Variants in RBFOX1 observed in about 807,000 individuals in gnomAD.
RBFOX1 encodes the protein RNA binding fox-1 homolog 1, also known as RNA binding protein fox-1 homolog 1.
Under a neutral mutation model 57.7 loss-of-function variants are expected in RBFOX1, and 8 were observed. The observed-to-expected ratio is 0.14, with a 90% CI of 0.08 to 0.25. RBFOX1 has a LOEUF of 0.25. Ranked by LOEUF, RBFOX1 falls within the 10% of genes least tolerant of loss-of-function variation. The pLI is 1.00. For synonymous variants in RBFOX1, 326 were observed against 222.4 expected (o/e 1.47, Z -4.15); for missense variants, 611 against 548.5 (o/e 1.11, Z -1.14).
In RBFOX1 at chr16:6,049,053, C is replaced by CTT. The variant is rs534794320; in HGVS notation, c.-127+29081_-127+29082dup. Among the ~76,000 whole-genome samples, 189 of 112,826 alleles carry CTT rather than the reference C, an allele frequency of 1.7e-3. 1 individual carries two copies. Among genetic ancestry groups the CTT allele is most frequent in the South Asian group, 5.2e-3 (17 of 3,264 alleles). The allele number at this position is 112,826 out of a possible 152,430, so 74.0% of individuals were successfully genotyped here. A position where few individuals can be genotyped will look rare whatever the true frequency, so the allele number is the denominator to read the frequency against. ...ATCGACCCCTTACATCTTCTAACAGCTTTTTTTTTTTTTTTTTTTTTCCTT... is the reference window on the plus strand; with the variant it reads ...ATCGACCCCTTACATCTTCTAACAGCTTTTTTTTTTTTTTTTTTTTTTTCCTT... On this transcript the variant is annotated intron_variant, in intron 1 of 15. Transcript: ENST00000550418.
At chr16:6,640,968 G>C (rs1047074887) in intron 2 of RBFOX1, among the ~76,000 whole-genome samples, 1 of 152,082 alleles carries the variant, frequency 6.6e-6, no homozygotes, top group African/African-American at 2.4e-5. Flanking sequence ...TCAAATGGAA[G>C]GCCTGCTTTC....
intron 4 of RBFOX1, among the ~76,000 whole-genome samples, chr16:7,398,193 C>T (rs138342701): frequency 1.1e-4 from 16 of 152,314 alleles, no homozygotes; most frequent in Middle Eastern, 3.4e-3. Flanking sequence ...ATGCCTCAGA[C>T]GCTTATGCTT....
At chr16:6,247,305 C>G (rs2097574715) in intron 1 of RBFOX1, among the ~76,000 whole-genome samples, 1 of 152,146 alleles carries the variant, frequency 6.6e-6, no homozygotes, top group South Asian at 2.1e-4. Flanking sequence ...GGACAGTGGA[C>G]AAAGCCTTGG....
chr16:6,215,470 G>A (rs150857680), intron 1 of RBFOX1, among the ~76,000 whole-genome samples: 115 of 146,418 alleles, frequency 7.9e-4, no homozygotes, highest in African/African-American at 2.7e-3. Context: ...GGGAGAGGGG[G>A]AGAGGGAGAG....
chr16:6,583,114 A>G (rs1219015368), intron 2 of RBFOX1, among the ~76,000 whole-genome samples: 1 of 152,116 alleles, frequency 6.6e-6, no homozygotes, highest in Non-Finnish European at 1.5e-5. Context: ...GGATAGTATC[A>G]GAGCCAGCAT....
chr16:7,296,846 G>A (rs956421970), intron 4 of RBFOX1, among the ~76,000 whole-genome samples: 1 of 152,128 alleles, frequency 6.6e-6, no homozygotes, highest in African/African-American at 2.4e-5. Context: ...CTACTTGGAG[G>A]AATACAGGAG....
At chr16:6,868,554 C>T (rs1482330453) in intron 3 of RBFOX1, among the ~76,000 whole-genome samples, 1 of 152,094 alleles carries the variant, frequency 6.6e-6, no homozygotes, top group Non-Finnish European at 1.5e-5. Context: ...TCACTGCAAC[C>T]TCTGCTTCCT....
intron 3 of RBFOX1, among the ~76,000 whole-genome samples, chr16:5,854,837 C>G (rs1252620187): frequency 6.6e-6 from 1 of 152,118 alleles, no homozygotes; most frequent in Non-Finnish European, 1.5e-5. Context: ...ATTTACATTC[C>G]CACCCACAAT....
In RBFOX1 at chr16:6,019,741, G is replaced by T. The variant is rs955149213; in HGVS notation, c.-378G>T. ...GCGGACCGCGCGCCCGGGATTGAGAGTCCTTGCGCTCCAGACCCCCACCCA... is the reference window on the plus strand; with the variant it reads ...GCGGACCGCGCGCCCGGGATTGAGATTCCTTGCGCTCCAGACCCCCACCCA... On this transcript the variant is annotated 5_prime_UTR_variant, in exon 1 of 16. Coordinates refer to ENST00000550418, the MANE Select transcript of RBFOX1 (RefSeq NM_018723.4). The surrounding 1 kb of genome is among the most constrained non-coding windows in gnomAD (Gnocchi z 4.2). 9 of 1,378,590 alleles carry T rather than the reference G, an allele frequency of 6.5e-6. No homozygotes were observed. The highest frequency in any genetic ancestry group is 8.4e-6 in the Non-Finnish European group (9 of 1,065,698). The allele number at this position is 1,378,590 out of a possible 1,614,324, so 85.4% of individuals were successfully genotyped here. A position where few individuals can be genotyped will look rare whatever the true frequency, so the allele number is the denominator to read the frequency against.
chr16:6,928,217 C>T (rs891386428), intron 3 of RBFOX1, among the ~76,000 whole-genome samples: 7 of 152,104 alleles, frequency 4.6e-5, no homozygotes, highest in Non-Finnish European at 1.0e-4. Flanking sequence ...TGGGTACTGC[C>T]CCCGAAGATT....
chr16:5,674,779 A>G (rs921204442), intron 3 of RBFOX1, among the ~76,000 whole-genome samples: 2 of 152,130 alleles, frequency 1.3e-5, no homozygotes, highest in Non-Finnish European at 2.9e-5. Context: ...TTCCTTCCCT[A>G]TGGTGAAAAT....
chr16:5,575,942 C>G (rs1259735739), intron 2 of RBFOX1, among the ~76,000 whole-genome samples: 1 of 151,500 alleles, frequency 6.6e-6, no homozygotes, highest in African/African-American at 2.4e-5. Flanking sequence ...ACATCTGCTT[C>G]TTTGGCTGGG....
At position 6,517,421 on chromosome 16, in the gene RBFOX1, C is replaced by T. The variant is rs188097694; in HGVS notation, c.-63-137182C>T. ...GACAGTTTATTACTCCCTGAAGTCT[C>T]TCTTTCTCCTTCTCTGCTGGACAGA... On this transcript the variant is annotated intron_variant, in intron 2 of 15. Coordinates refer to ENST00000550418, the MANE Select transcript of RBFOX1 (RefSeq NM_018723.4). 5.0e-3 allele frequency among the ~76,000 whole-genome samples: 756 copies of T among 152,270 alleles called. 24 individuals carry two copies. Among genetic ancestry groups the T allele is most frequent in the Admixed American group, 0.047 (723 of 15,284 alleles).
chr16:5,593,195 C>T (rs1407266361), intron 2 of RBFOX1, among the ~76,000 whole-genome samples: 9 of 152,142 alleles, frequency 5.9e-5, no homozygotes, highest in Admixed American at 4.6e-4. Context: ...TTTGCAGGGA[C>T]ATAGATGAAG....
At chr16:5,892,200 C>T (rs1047554035) in intron 4 of RBFOX1, among the ~76,000 whole-genome samples, 1 of 152,094 alleles carries the variant, frequency 6.6e-6, no homozygotes, top group Non-Finnish European at 1.5e-5. Flanking sequence ...GCTGGCAGTG[C>T]TAGGTACACA....
intron 1 of RBFOX1, among the ~76,000 whole-genome samples, chr16:6,173,234 A>G (rs1431164776): frequency 6.6e-6 from 1 of 152,150 alleles, no homozygotes; most frequent in Non-Finnish European, 1.5e-5. Flanking sequence ...TGGGGTAGGC[A>G]TTGTTCTGTG....
chr16:7,674,411 C>G (rs1305351658), intron 13 of RBFOX1, among the ~76,000 whole-genome samples: 3 of 152,176 alleles, frequency 2.0e-5, no homozygotes, highest in Admixed American at 6.5e-5. Flanking sequence ...AGTAGCTACT[C>G]TGTTGGACAG....
chr16:6,984,457 C>CT (rs2089762156), intron 3 of RBFOX1, among the ~76,000 whole-genome samples: 1 of 152,092 alleles, frequency 6.6e-6, no homozygotes, highest in African/African-American at 2.4e-5. Context: ...ATATATATCC[C>CT]TATGGATGAA....
rs140276899 is a variant in RBFOX1, at chr16:6,407,060, A to G, written c.-64+90003A>G. On this transcript the variant is annotated intron_variant, in intron 2 of 15. Transcript: ENST00000550418. ...AAATGATGCATTATTTCACAACAAC[A>G]TGGTGTTACGGTTGAATATCAATGA... 3.2e-3 allele frequency among the ~76,000 whole-genome samples: 492 copies of G among 152,316 alleles called. 4 individuals carry two copies. Among genetic ancestry groups the G allele is most frequent in the African/African-American group, 9.7e-3 (404 of 41,572 alleles).
Sources: allele counts gnomAD v4.1 joint callset (sites outside exome capture counted in the v4.1 genomes callset), GRCh38; gene constraint gnomAD v4.1.1; non-coding constraint Gnocchi (gnomAD v3.1); transcripts MANE v1.5; gene names NCBI Gene and HGNC (gene_info 2026-07-23, HGNC 2026-07-21).